The following CTNNA3 variants were observed in gnomAD, a reference collection of about 807,000 sequenced individuals.
CTNNA3 encodes catenin alpha-3.
Under a neutral mutation model 95.7 loss-of-function variants are expected in CTNNA3, and 76 were observed. The ratio of observed to expected loss-of-function variants is 0.79; its 90% CI spans 0.66 to 0.96. CTNNA3 has a LOEUF of 0.96. Ranked by LOEUF, CTNNA3 falls within the 40% of genes least tolerant of loss-of-function variation. The probability of loss-of-function intolerance (pLI) is 0.00; values close to 1 mark genes in which losing one functional copy is unlikely to be tolerated. For synonymous variants in CTNNA3, 431 were observed against 374.4 expected (o/e 1.15, Z -1.74); for missense variants, 1,191 against 1,089.8 (o/e 1.09, Z -1.31).
chr10:66,798,833 T>A (rs1008953414), intron 7 of CTNNA3, among the ~76,000 whole-genome samples: 3 of 151,604 alleles, frequency 2.0e-5, no homozygotes, highest in African/African-American at 7.3e-5. Context: ...ATAAAAGACA[T>A]ATGAGATAAA....
At chr10:66,642,305 C>CACAA (rs1161244532) in intron 9 of CTNNA3, among the ~76,000 whole-genome samples, 3 of 148,442 alleles carry the variant, frequency 2.0e-5, no homozygotes, top group Non-Finnish European at 4.5e-5. Context: ...CACACACACA[C>CACAA]AAAACCTGAT....
chr10:67,015,176 C>T (rs1852581579), intron 7 of CTNNA3: 1 of 152,142 alleles, frequency 6.6e-6, no homozygotes, highest in Non-Finnish European at 1.5e-5. Flanking sequence ...TACCTTGTCA[C>T]ATATTAATCA....
chr10:66,390,893 C>T (rs910149688), intron 11 of CTNNA3, among the ~76,000 whole-genome samples: 6 of 152,070 alleles, frequency 3.9e-5, no homozygotes, highest in Non-Finnish European at 7.4e-5. Flanking sequence ...TCCTCTTTAC[C>T]TCCTAAATCC....
At chr10:66,693,043 A>C (rs1487770743) in intron 9 of CTNNA3, among the ~76,000 whole-genome samples, 1 of 152,186 alleles carries the variant, frequency 6.6e-6, no homozygotes, top group Non-Finnish European at 1.5e-5. Flanking sequence ...GCTAGGAAGA[A>C]ACTGCATCAA....
At chr10:66,791,843 G>C (rs552391318) in intron 7 of CTNNA3, among the ~76,000 whole-genome samples, 10 of 152,236 alleles carry the variant, frequency 6.6e-5, no homozygotes, top group South Asian at 6.2e-4. Context: ...GAAAGATACT[G>C]TCTTATCAAA....
At chr10:66,679,803 G>A (rs768111601) in intron 9 of CTNNA3, among the ~76,000 whole-genome samples, 29 of 152,154 alleles carry the variant, frequency 1.9e-4, no homozygotes, top group South Asian at 2.1e-4. Flanking sequence ...ACCATTTACT[G>A]ATCTCTGGAT....
intron 5 of CTNNA3, among the ~76,000 whole-genome samples, chr10:67,351,882 C>T (rs1842650908): frequency 2.6e-5 from 4 of 151,980 alleles, no homozygotes; most frequent in Admixed American, 2.6e-4. Flanking sequence ...CTCTGACATA[C>T]TCTGTTAGAG....
intron 13 of CTNNA3, among the ~76,000 whole-genome samples, chr10:66,192,870 T>C (rs2086756835): frequency 6.6e-6 from 1 of 152,184 alleles, no homozygotes; most frequent in Non-Finnish European, 1.5e-5. Context: ...GCTTGGTTTG[T>C]GTGACTACTT....
chr10:67,692,864 G>C (rs1411165528), intron 1 of CTNNA3, among the ~76,000 whole-genome samples: 1 of 150,828 alleles, frequency 6.6e-6, no homozygotes, highest in East Asian at 1.9e-4. Flanking sequence ...ATTACATTTT[G>C]AACAGTGCTA....
intron 7 of CTNNA3, among the ~76,000 whole-genome samples, chr10:67,151,689 T>C (rs1472960979): frequency 6.6e-6 from 1 of 152,236 alleles, no homozygotes; most frequent in Non-Finnish European, 1.5e-5. Context: ...CTGCAGCTTC[T>C]ATCAAAGCAG....
intron 5 of CTNNA3, among the ~76,000 whole-genome samples, chr10:67,386,888 T>C (rs1257672659): frequency 1.3e-5 from 2 of 152,230 alleles, no homozygotes; most frequent in Non-Finnish European, 2.9e-5. Context: ...AGTTCCTTTT[T>C]GGTTAATTCA....
intron 17 of CTNNA3, among the ~76,000 whole-genome samples, chr10:65,941,168 A>G (rs765441619): frequency 2.0e-5 from 3 of 152,218 alleles, no homozygotes; most frequent in Non-Finnish European, 2.9e-5. Flanking sequence ...ATCATTTGCC[A>G]TCAGAAGTCT....
rs1001358654 is a variant in CTNNA3, at chr10:67,451,693, C to G, written c.579+70149G>C. Among the ~76,000 whole-genome samples, 6 of 152,294 alleles carry G rather than the reference C, an allele frequency of 3.9e-5. No individual in the cohort carries two copies. In the South Asian group the frequency reaches 6.2e-4, roughly 16 times the overall value. On this transcript the variant is annotated intron_variant, in intron 5 of 17. Transcript: ENST00000433211. ...ATTTTGCTCTTCAACTGTGCCCTTGCTTTTCAACTAGAATTTGATACTTCA... is the reference window on the plus strand; with the variant it reads ...ATTTTGCTCTTCAACTGTGCCCTTGGTTTTCAACTAGAATTTGATACTTCA...
chr10:66,893,634 A>T (rs1040483533), intron 7 of CTNNA3, among the ~76,000 whole-genome samples: 4 of 152,094 alleles, frequency 2.6e-5, no homozygotes, highest in Non-Finnish European at 5.9e-5. Flanking sequence ...TAAGATTTAC[A>T]AGATAAGATT....
At chr10:66,998,109 A>G (rs1261291108) in intron 7 of CTNNA3, among the ~76,000 whole-genome samples, 1 of 152,172 alleles carries the variant, frequency 6.6e-6, no homozygotes, top group Non-Finnish European at 1.5e-5. Flanking sequence ...GAGATGGCTG[A>G]TGCCATTCCC....
intron 13 of CTNNA3, among the ~76,000 whole-genome samples, chr10:66,185,269 T>C (rs1055157279): frequency 8.5e-5 from 13 of 152,266 alleles, no homozygotes; most frequent in South Asian, 6.2e-4. Context: ...AGTTGGAGGA[T>C]GGTAAATACC....
intron 7 of CTNNA3, among the ~76,000 whole-genome samples, chr10:66,859,723 T>C (rs1230021731): frequency 1.5e-5 from 2 of 132,358 alleles, no homozygotes; most frequent in East Asian, 2.0e-4. Flanking sequence ...ACACGTATGT[T>C]TACTGCGGCA....
At chr10:66,063,511 TAG>T (rs1218966910) in intron 15 of CTNNA3, among the ~76,000 whole-genome samples, 4 of 151,470 alleles carry the variant, frequency 2.6e-5, no homozygotes, top group Non-Finnish European at 5.9e-5. Context: ...TTTACTCTTT[TAG>T]AGAGAGATTT....
intron 7 of CTNNA3, among the ~76,000 whole-genome samples, chr10:67,109,805 T>C (rs1306672126): frequency 1.3e-5 from 2 of 152,160 alleles, no homozygotes; most frequent in African/African-American, 4.8e-5. Flanking sequence ...ATCGCGCCAC[T>C]GCACTCCAGC....
Sources: gnomAD v4.1 joint callset for allele counts (sites outside exome capture counted in the v4.1 genomes callset) on GRCh38, gnomAD v4.1.1 for gene constraint, MANE v1.5 for transcripts, NCBI Gene and HGNC (gene_info 2026-07-23, HGNC 2026-07-21) for gene names.